The following LHFPL6 variants were observed in gnomAD, a reference collection of about 807,000 sequenced individuals.
The protein encoded by LHFPL6 is LHFPL tetraspan subfamily member 6 protein.
In LHFPL6, 9 loss-of-function variants were observed where a neutral mutation model predicts 20.6. The observed-to-expected ratio is 0.44, with a 90% confidence interval of 0.26 to 0.76. The LOEUF (loss-of-function observed/expected upper bound fraction) is 0.76, where lower values mean the gene tolerates loss of function less well. Among genes scored for constraint, LHFPL6 ranks in the 30% least tolerant of loss-of-function variants. LHFPL6 has a pLI of 0.20. For synonymous variants in LHFPL6, 105 were observed against 98.7 expected, an observed-to-expected ratio of 1.06 and a Z score of -0.38; for missense variants, 218 against 253.5, an observed-to-expected ratio of 0.86 and a Z score of 0.95.
chr13:39,487,377 C>T (rs1393375209), intron 2 of LHFPL6, among the ~76,000 whole-genome samples: 2 of 152,178 alleles, frequency 1.3e-5, no homozygotes, highest in African/African-American at 4.8e-5. Flanking sequence ...CAGCCTACAG[C>T]TCTCCTGTCC....
At chr13:39,504,646 C>T (rs767411398) in intron 2 of LHFPL6, among the ~76,000 whole-genome samples, 7 of 152,158 alleles carry the variant, frequency 4.6e-5, no homozygotes, top group Non-Finnish European at 7.4e-5. Flanking sequence ...ACTAAGGACA[C>T]CAGTTACATT....
intron 2 of LHFPL6, among the ~76,000 whole-genome samples, chr13:39,385,479 C>T (rs1870540248): frequency 6.6e-6 from 1 of 152,252 alleles, no homozygotes; most frequent in African/African-American, 2.4e-5. Flanking sequence ...TCTTTAGCTC[C>T]AAATGGGCCC....
chr13:39,460,089 G>T (rs1311280707), intron 2 of LHFPL6, among the ~76,000 whole-genome samples: 1 of 151,898 alleles, frequency 6.6e-6, no homozygotes, highest in African/African-American at 2.4e-5. Context: ...AATATCTATA[G>T]AAATTTCTCT....
chr13:39,592,651 C>G (rs1388729843), intron 2 of LHFPL6, among the ~76,000 whole-genome samples: 1 of 152,124 alleles, frequency 6.6e-6, no homozygotes, highest in Admixed American at 6.5e-5. Context: ...ATATCAAAGC[C>G]TGGCAGAGAC....
At chr13:39,499,211 A>G (rs1458135536) in intron 2 of LHFPL6, among the ~76,000 whole-genome samples, 1 of 151,922 alleles carries the variant, frequency 6.6e-6, no homozygotes, top group Non-Finnish European at 1.5e-5. Context: ...AAGAGCACCA[A>G]CCAATCTCTT....
At chr13:39,538,737 A>C (rs1870702294) in intron 2 of LHFPL6, among the ~76,000 whole-genome samples, 1 of 152,060 alleles carries the variant, frequency 6.6e-6, no homozygotes, top group Non-Finnish European at 1.5e-5. Context: ...ATTAAGGAAA[A>C]ACTATTACTT....
chr13:39,574,258 G>A (rs1375490053), intron 2 of LHFPL6, among the ~76,000 whole-genome samples: 14 of 152,068 alleles, frequency 9.2e-5, no homozygotes, highest in South Asian at 2.1e-4. Context: ...CGAGGCGGGC[G>A]GATCACAAGG....
chr13:39,478,379 A>G (rs1371414457), intron 2 of LHFPL6, among the ~76,000 whole-genome samples: 1 of 152,196 alleles, frequency 6.6e-6, no homozygotes, highest in African/African-American at 2.4e-5. Flanking sequence ...AGAACTCACA[A>G]ACTAGAAAGG....
chr13:39,559,559 A>G (rs1478491853), intron 2 of LHFPL6, among the ~76,000 whole-genome samples: 1 of 152,226 alleles, frequency 6.6e-6, no homozygotes, highest in Non-Finnish European at 1.5e-5. Flanking sequence ...AACATAGCTC[A>G]GAGAATAAGT....
At chr13:39,388,288 A>T (rs577792942) in intron 2 of LHFPL6, among the ~76,000 whole-genome samples, 1 of 152,344 alleles carries the variant, frequency 6.6e-6, no homozygotes, top group African/African-American at 2.4e-5. Flanking sequence ...AACACAAAAG[A>T]CATGTACAAT....
rs373808826 is a variant in LHFPL6, at chr13:39,577,906, G to C, written c.385+22926C>G. 3.9e-5 allele frequency among the ~76,000 whole-genome samples: 6 copies of C among 152,000 alleles called. No homozygotes were observed. In the East Asian group the frequency reaches 1.2e-3, roughly 29 times the overall value. On this transcript the variant is annotated intron_variant, in intron 2 of 3. Transcript: ENST00000379589. ...TCTGCCCACCTCAGCCACCCAAAGT[G>C]CTGGGATTACAAGCATAAGCCTGTA...
At chr13:39,423,809 T>C (rs915463427) in intron 2 of LHFPL6, among the ~76,000 whole-genome samples, 1 of 152,246 alleles carries the variant, frequency 6.6e-6, no homozygotes, top group African/African-American at 2.4e-5. Context: ...TGTGGAGTTG[T>C]CTGGATGCTT....
chr13:39,506,188 G>T lies in LHFPL6; in HGVS notation c.385+94644C>A, dbSNP rs1445348090. Among the ~76,000 whole-genome samples, 3 of 152,148 alleles carry T rather than the reference G, an allele frequency of 2.0e-5. No individual in the cohort carries two copies. The East Asian group carries it at 5.8e-4, about 29-fold the overall frequency. ...GGAACAATATGATTTCCAATATTCA[G>T]CTCTGGCTTCTGTGGACGTAATATT... On this transcript the variant is annotated intron_variant, in intron 2 of 3. Coordinates refer to ENST00000379589, the MANE Select transcript of LHFPL6 (RefSeq NM_005780.3).
intron 2 of LHFPL6, among the ~76,000 whole-genome samples, chr13:39,524,325 C>T (rs1433267829): frequency 2.2e-5 from 3 of 137,680 alleles, no homozygotes; most frequent in African/African-American, 8.4e-5. Context: ...AGAGGTGACT[C>T]ACTCACAGGT....
intron 2 of LHFPL6, among the ~76,000 whole-genome samples, chr13:39,447,884 G>A (rs1051422089): frequency 2.0e-5 from 3 of 152,166 alleles, no homozygotes; most frequent in Admixed American, 2.0e-4. Flanking sequence ...TAAGGAAAAA[G>A]GAGGGAATTC....
chr13:39,383,983 C>T lies in LHFPL6; in HGVS notation c.386-5457G>A, dbSNP rs115039675. On this transcript the variant is annotated intron_variant, in intron 2 of 3. Coordinates refer to ENST00000379589, the MANE Select transcript of LHFPL6 (RefSeq NM_005780.3). Reference sequence around the variant, plus strand: ...AATTCTTCAAAACAGCTTCTCTGACCTTCACTTTCTCAGACCTCTTAGTAG... The same window carrying T: ...AATTCTTCAAAACAGCTTCTCTGACTTTCACTTTCTCAGACCTCTTAGTAG... Among the ~76,000 whole-genome samples the T allele has an allele frequency of 9.1e-3, 1,378 of 152,242 alleles. 17 individuals carry two copies. Among genetic ancestry groups the T allele is most frequent in the South Asian group, 0.028 (135 of 4,816 alleles).
At chr13:39,562,583 C>T (rs200330158) in intron 2 of LHFPL6, among the ~76,000 whole-genome samples, 3 of 79,396 alleles carry the variant, frequency 3.8e-5, no homozygotes, top group East Asian at 5.6e-4. Flanking sequence ...CATATATACA[C>T]ATATATACAT....
intron 2 of LHFPL6, among the ~76,000 whole-genome samples, chr13:39,412,752 G>T (rs889455991): frequency 6.6e-6 from 1 of 152,030 alleles, no homozygotes; most frequent in Non-Finnish European, 1.5e-5. Flanking sequence ...GTGAAACCCT[G>T]TCCCTACTAA....
At chr13:39,449,066 C>T (rs1660512837) in intron 2 of LHFPL6, among the ~76,000 whole-genome samples, 1 of 152,188 alleles carries the variant, frequency 6.6e-6, no homozygotes, top group Non-Finnish European at 1.5e-5. Flanking sequence ...TTTAATAGGG[C>T]AAGGGAGGTG....
Sources: gnomAD v4.1 joint callset for allele counts (sites outside exome capture counted in the v4.1 genomes callset) on GRCh38, gnomAD v4.1.1 for gene constraint, MANE v1.5 for transcripts, NCBI Gene and HGNC (gene_info 2026-07-23, HGNC 2026-07-21) for gene names.